Variants in MFHAS1 observed in about 807,000 individuals in gnomAD.
MFHAS1 encodes the protein malignant fibrous histiocytoma-amplified sequence 1.
In MFHAS1, 50 loss-of-function variants were observed where a neutral mutation model predicts 70.4. The observed-to-expected ratio is 0.71, with a 90% CI of 0.57 to 0.90. MFHAS1 has a LOEUF of 0.90. Among genes scored for constraint, MFHAS1 ranks in the 40% least tolerant of loss-of-function variants. The probability of loss-of-function intolerance (pLI) is 0.00; values close to 1 mark genes in which losing one functional copy is unlikely to be tolerated. For synonymous variants in MFHAS1, 952 were observed against 620.0 expected (o/e 1.54, Z -7.96); for missense variants, 1,795 against 1,347.6 (o/e 1.33, Z -5.20).
intron 1 of MFHAS1, among the ~76,000 whole-genome samples, chr8:8,819,751 TGTG>T (rs1360693944): frequency 6.6e-6 from 1 of 151,708 alleles, no homozygotes; most frequent in African/African-American, 2.4e-5. Context: ...CAGGCTGGAG[TGTG>T]GTGGTATGAT....
chr8:8,800,069 C>A (rs967710042), intron 1 of MFHAS1, among the ~76,000 whole-genome samples: 5 of 152,194 alleles, frequency 3.3e-5, no homozygotes, highest in African/African-American at 1.2e-4. Flanking sequence ...GGGACTGCTT[C>A]TTTATGCCAG....
chr8:8,882,521 A>G (rs1209473174), intron 1 of MFHAS1, among the ~76,000 whole-genome samples: 1 of 152,256 alleles, frequency 6.6e-6, no homozygotes, highest in African/African-American at 2.4e-5. Context: ...CTGAGGCAGA[A>G]GAATCACTTG....
intron 1 of MFHAS1, among the ~76,000 whole-genome samples, chr8:8,814,849 CT>C (rs34438669): frequency 0.083 from 10,780 of 130,350 alleles, 787 homozygotes; most frequent in African/African-American, 0.22. Context: ...GCTAGAATTT[CT>C]TTTTTTTTTT....
intron 1 of MFHAS1, among the ~76,000 whole-genome samples, chr8:8,826,152 C>A (rs1443902599): frequency 6.6e-6 from 1 of 152,038 alleles, no homozygotes; most frequent in Non-Finnish European, 1.5e-5. Flanking sequence ...AAATAAATGT[C>A]CACCTTCCTC....
intron 1 of MFHAS1, among the ~76,000 whole-genome samples, chr8:8,889,808 G>A (rs1809916963): frequency 6.6e-6 from 1 of 152,286 alleles, no homozygotes. Flanking sequence ...GAAAGGAGAT[G>A]GCAAATGTTG....
chr8:8,867,652 G>A (rs1808913120), intron 1 of MFHAS1, among the ~76,000 whole-genome samples: 1 of 151,666 alleles, frequency 6.6e-6, no homozygotes. Flanking sequence ...CCGCCTCCCG[G>A]GTTCATGCCA....
In MFHAS1 at chr8:8,892,761, C is replaced by A. The variant is rs1810127689; in HGVS notation, c.298G>T (p.Ala100Ser). The change falls in exon 1 of 3, where the codon GCC becomes TCC. Residue 100 changes from alanine to serine, a missense_variant. Ala to Ser is a moderately conservative substitution (Grantham distance 99). Transcript: ENST00000276282. The surrounding 1 kb of genome is among the most constrained non-coding windows in gnomAD (Gnocchi z 4.7). ...TCGGCCACCGCCGGGGGCAGCCGGG[C>A]GAAGCGGTTCCTGCGCAGGACCAGG... ...RVLVLRRNRF[A>S]RLPPAVAELG... 1.9e-6 allele frequency: 3 copies of A among 1,576,970 alleles called. No homozygotes were observed. Among genetic ancestry groups the A allele is most frequent in the Admixed American group, 3.7e-5 (2 of 53,584 alleles).
Position 8,784,810 on chromosome 8 carries a change from A to C in MFHAS1, c.*1212T>G, listed in dbSNP as rs200073717. On this transcript the variant is annotated 3_prime_UTR_variant, in exon 3 of 3. Coordinates refer to ENST00000276282, the MANE Select transcript of MFHAS1 (RefSeq NM_004225.3). ...ACTGTAGCATATGCTGTTTGGCCCAATTAAAAGTAGAATGGAGAGCAATTT... is the reference window on the plus strand; with the variant it reads ...ACTGTAGCATATGCTGTTTGGCCCACTTAAAAGTAGAATGGAGAGCAATTT... The C allele has an allele frequency of 6.6e-6, 1 of 152,242 alleles. No homozygotes were observed. The highest frequency in any genetic ancestry group is 1.5e-5 in the Non-Finnish European group (1 of 68,054). The allele number at this position is 152,242 out of a possible 1,614,324, so 9.4% of individuals were successfully genotyped here.
rs754049094 is a variant in MFHAS1, at chr8:8,892,007, C to A, written c.1052G>T (p.Gly351Val). ...LTGLEELVLQ[G>V]NQIAVLPDHF... ...GTCGGGCAGCACCGCGATCTGGTTC[C>A]CCTGCAGCACGAGCTCCTCCAGGCC... is the stretch of plus-strand genomic sequence containing the variant. The change falls in exon 1 of 3, where the codon GGG (glycine) becomes GTG (valine). Residue 351 changes from glycine (G) to valine (V), a missense_variant. Gly to Val is a moderately radical substitution (Grantham distance 109). Coordinates refer to ENST00000276282, the MANE Select transcript of MFHAS1 (RefSeq NM_004225.3). The surrounding 1 kb of genome is among the most constrained non-coding windows in gnomAD (Gnocchi z 4.7). The A allele has an allele frequency of 1.2e-6, 2 of 1,613,588 alleles. No individual in the cohort carries two copies. The highest frequency in any genetic ancestry group is 2.7e-5 in the African/African-American group (2 of 75,056).
intron 1 of MFHAS1, among the ~76,000 whole-genome samples, chr8:8,832,062 GCA>G (rs59984727): frequency 3.1e-4 from 47 of 149,598 alleles, no homozygotes; most frequent in East Asian, 2.0e-3. Context: ...GCGCGCGCGC[GCA>G]CACACACACA....
At chr8:8,873,086 T>C (rs551872046) in intron 1 of MFHAS1, among the ~76,000 whole-genome samples, 1 of 152,362 alleles carries the variant, frequency 6.6e-6, no homozygotes, top group East Asian at 1.9e-4. Flanking sequence ...AGCCCAGCTC[T>C]AGGCAAGCCA....
intron 2 of MFHAS1, among the ~76,000 whole-genome samples, chr8:8,793,611 G>A (rs1258255794): frequency 6.6e-6 from 1 of 152,232 alleles, no homozygotes; most frequent in Non-Finnish European, 1.5e-5. Context: ...TTTGAACAGT[G>A]AGTGATATGT....
intron 1 of MFHAS1, among the ~76,000 whole-genome samples, chr8:8,855,656 G>A (rs1440440037): frequency 2.0e-5 from 3 of 152,140 alleles, no homozygotes; most frequent in Non-Finnish European, 4.4e-5. Context: ...AGAAGTTCAA[G>A]ACCAGCCTGG....
chr8:8,786,878 G>C (rs554111160), intron 2 of MFHAS1, among the ~76,000 whole-genome samples: 64 of 152,022 alleles, frequency 4.2e-4, no homozygotes, highest in African/African-American at 1.5e-3. Flanking sequence ...ACAAGATTCA[G>C]TCATGGGCTC....
chr8:8,789,186 G>C (rs1429118507), intron 2 of MFHAS1, among the ~76,000 whole-genome samples: 1 of 152,128 alleles, frequency 6.6e-6, no homozygotes, highest in African/African-American at 2.4e-5. Flanking sequence ...TGAAGATGTG[G>C]GTCAAATTCA....
intron 1 of MFHAS1, among the ~76,000 whole-genome samples, chr8:8,871,981 T>C (rs184767016): frequency 8.5e-5 from 13 of 152,314 alleles, no homozygotes; most frequent in Non-Finnish European, 1.5e-5. Context: ...GAGATGAAAA[T>C]CTGCCCCATT....
At position 8,891,208 on chromosome 8, in the gene MFHAS1, C is replaced by G. The variant is rs749538221; in HGVS notation, c.1851G>C (p.Arg617=). 6.2e-7 allele frequency: 1 copy of G among 1,612,832 alleles called. No homozygotes were observed. The highest frequency in any genetic ancestry group is 8.5e-7 in the Non-Finnish European group (1 of 1,180,030). The change falls in exon 1 of 3, where the codon CGG becomes CGC. Residue 617 remains arginine, a synonymous_variant. Coordinates refer to ENST00000276282, the MANE Select transcript of MFHAS1 (RefSeq NM_004225.3). The surrounding 1 kb of genome is among the most constrained non-coding windows in gnomAD (Gnocchi z 5.4). The part of the protein sequence containing the change: ...KAHFQYLLNH[R]LQILSPVLPV... ...GCAACACGGGGGAGAGGATCTGCAG[C>G]CGGTGGTTGAGCAGGTATTGAAAAT...
At chr8:8,886,037 T>C (rs1261675951) in intron 1 of MFHAS1, among the ~76,000 whole-genome samples, 2 of 152,254 alleles carry the variant, frequency 1.3e-5, no homozygotes, top group African/African-American at 4.8e-5. Flanking sequence ...TCAACCCATT[T>C]GTCTTAAATA....
At chr8:8,821,419 G>C (rs935592558) in intron 1 of MFHAS1, among the ~76,000 whole-genome samples, 2 of 152,210 alleles carry the variant, frequency 1.3e-5, no homozygotes, top group Admixed American at 1.3e-4. Flanking sequence ...GATCGGCATG[G>C]AGAATAGCAT....
Sources: allele counts gnomAD v4.1 joint callset (sites outside exome capture counted in the v4.1 genomes callset), GRCh38; gene constraint gnomAD v4.1.1; non-coding constraint Gnocchi (gnomAD v3.1); transcripts MANE v1.5; gene names NCBI Gene and HGNC (gene_info 2026-07-23, HGNC 2026-07-21).